The following PTPN22 variants were observed in gnomAD, a reference collection of about 807,000 sequenced individuals.
PTPN22 encodes protein tyrosine phosphatase non-receptor type 22.
A neutral mutation model predicts 103.3 loss-of-function variants in PTPN22; 85 were observed. The ratio of observed to expected loss-of-function variants is 0.82; its 90% CI spans 0.69 to 0.99. PTPN22 has a LOEUF of 0.99. PTPN22 is among the 50% of genes least tolerant of loss of function. PTPN22 has a pLI of 0.00. For missense variants in PTPN22, 865 were observed against 936.9 expected (o/e 0.92, Z 1.00); for synonymous variants, 323 against 310.2 (o/e 1.04, Z -0.43).
At chr1:113,856,735 C>A in intron 5 of PTPN22, 116 bp from the exon 6 acceptor site, 1 of 1,358,516 alleles carries the variant, frequency 7.4e-7, no homozygotes, top group Non-Finnish European at 1.0e-6. Context: ...GTGCGTCTAA[C>A]CCCTTTGGGC....
chr1:113,859,215 T>G, intron 2 of PTPN22, 137 bp from the exon 3 acceptor site: 1 of 1,548,470 alleles, frequency 6.5e-7, no homozygotes, highest in East Asian at 2.3e-5. Context: ...TGAATATTCT[T>G]TTGCAGTCAT....
At chr1:113,863,913 A>G (rs960210551) in intron 1 of PTPN22, among the ~76,000 whole-genome samples, 3 of 98,486 alleles carry the variant, frequency 3.0e-5, no homozygotes, top group African/African-American at 1.8e-4. Context: ...ATAAATATAT[A>G]TATATATATA....
rs770014406 is a variant in PTPN22 at position 113,852,022 on chromosome 1, C to G, written c.828+5G>C. Reference sequence around the variant, plus strand: ...ATGTTCTGATCCATTCACTATAGTTCATACCTGCGTTTGAACTAATGAAGG... The same window carrying G: ...ATGTTCTGATCCATTCACTATAGTTGATACCTGCGTTTGAACTAATGAAGG... On this transcript the variant is annotated splice_donor_5th_base_variant and intron_variant, in intron 10 of 20. Transcript: ENST00000359785. The G allele has an allele frequency of 1.3e-6, 2 of 1,599,160 alleles. No homozygotes were observed. Among genetic ancestry groups the G allele is most frequent in the Middle Eastern group, 1.7e-4 (1 of 6,036 alleles).
intron 20 of PTPN22, among the ~76,000 whole-genome samples, chr1:113,818,632 T>G (rs1363308093): frequency 6.6e-6 from 1 of 152,214 alleles, no homozygotes; most frequent in Non-Finnish European, 1.5e-5. Flanking sequence ...CTTTGCTTCT[T>G]CCTCAAATAG....
At chr1:113,829,957 T>C (rs1284876341) in exon 17 of PTPN22, 1 of 1,598,206 alleles carries the variant, frequency 6.3e-7, no homozygotes, top group East Asian at 2.2e-5. Flanking sequence ...ACAATCTTCA[T>C]CGGCAAGAAA....
At chr1:113,841,059 T>A (rs1663500244) in intron 11 of PTPN22, among the ~76,000 whole-genome samples, 1 of 152,062 alleles carries the variant, frequency 6.6e-6, no homozygotes, top group African/African-American at 2.4e-5. Context: ...ACCCCGTCTC[T>A]ACTAAAAATA....
intron 11 of PTPN22, among the ~76,000 whole-genome samples, chr1:113,842,050 T>A (rs1387301284): frequency 3.3e-5 from 5 of 151,260 alleles, no homozygotes; most frequent in Non-Finnish European, 7.4e-5. Flanking sequence ...AAAAAAAAAA[T>A]TAAAAAAAAA....
chr1:113,870,076 C>T (rs1666451825), intron 1 of PTPN22, among the ~76,000 whole-genome samples: 1 of 152,134 alleles, frequency 6.6e-6, no homozygotes, highest in Non-Finnish European at 1.5e-5. Flanking sequence ...GGTTTTGGTT[C>T]TTTTTGTTCA....
At chr1:113,859,149 CTG>C (rs1665349946) in intron 2 of PTPN22, 71 bp from the exon 3 acceptor site, 2 of 1,590,286 alleles carry the variant, frequency 1.3e-6, no homozygotes, top group African/African-American at 1.3e-5. Context: ...GGGCCTAACA[CTG>C]TGAATAGTGT....
chr1:113,829,748 C>A, intron 17 of PTPN22, 41 bp from the exon 18 acceptor site: 1 of 1,335,098 alleles, frequency 7.5e-7, no homozygotes, highest in Non-Finnish European at 1.0e-6. Context: ...CCATTGCATA[C>A]CTTCTTAAGC....
At chr1:113,818,317 A>G (rs1661324651) in intron 20 of PTPN22, among the ~76,000 whole-genome samples, 3 of 151,726 alleles carry the variant, frequency 2.0e-5, no homozygotes, top group Admixed American at 2.0e-4. Context: ...GGCATGTACC[A>G]CCATGCCCAG....
At chr1:113,863,662 G>A (rs957674893) in intron 1 of PTPN22, among the ~76,000 whole-genome samples, 1 of 152,140 alleles carries the variant, frequency 6.6e-6, no homozygotes, top group Admixed American at 6.6e-5. Context: ...GTACCTTGTT[G>A]ATAACTGTTT....
intron 10 of PTPN22, among the ~76,000 whole-genome samples, chr1:113,851,431 G>T (rs1426993901): frequency 6.6e-6 from 1 of 152,166 alleles, no homozygotes; most frequent in African/African-American, 2.4e-5. Context: ...TGGGATTACA[G>T]GTGTCAGCCA....
intron 18 of PTPN22, 22 bp downstream of exon 18, chr1:113,829,570 C>T: frequency 7.0e-7 from 1 of 1,431,634 alleles, no homozygotes; most frequent in Non-Finnish European, 9.5e-7. Context: ...GGCATGTTTC[C>T]CAAAACTCTT....
chr1:113,813,901 T>C (rs1232937391), exon 21 of PTPN22: 1 of 152,338 alleles, frequency 6.6e-6, no homozygotes, highest in Non-Finnish European at 1.5e-5. Context: ...ATTTGCCCTA[T>C]TGGACTTCCA....
In PTPN22 at chr1:113,838,535, T is replaced by C; in HGVS notation, c.992+9A>G. On this transcript the variant is annotated intron_variant, in intron 12 of 20. Coordinates refer to ENST00000359785, the Ensembl canonical transcript of PTPN22. Reference sequence around the variant, plus strand: ...TAGTCAACATTTAGATATATAAAATTGTACTCACCTTTTTGGTAAATTAGG... The same window carrying C: ...TAGTCAACATTTAGATATATAAAATCGTACTCACCTTTTTGGTAAATTAGG... The C allele has an allele frequency of 6.2e-7, 1 of 1,611,358 alleles. No individual in the cohort carries two copies. Among genetic ancestry groups the C allele is most frequent in the Non-Finnish European group, 8.5e-7 (1 of 1,179,350 alleles).
intron 13 of PTPN22, among the ~76,000 whole-genome samples, chr1:113,835,423 T>C (rs1662910846): frequency 1.3e-5 from 2 of 151,646 alleles, no homozygotes; most frequent in Admixed American, 1.3e-4. Context: ...GAGGCTGAGG[T>C]GGGAGAATGG....
intron 11 of PTPN22, among the ~76,000 whole-genome samples, chr1:113,838,845 T>G (rs1358867067): frequency 6.6e-6 from 1 of 152,154 alleles, no homozygotes; most frequent in African/African-American, 2.4e-5. Flanking sequence ...TAGAAAGGAT[T>G]TGTGTATATC....
At chr1:113,864,257 G>A in intron 1 of PTPN22, 1 of 454,050 alleles carries the variant, frequency 2.2e-6, no homozygotes, top group South Asian at 1.6e-5. Flanking sequence ...AGGTGTGGTG[G>A]CTCATGGTTG....
Sources: gnomAD v4.1 joint callset for allele counts (sites outside exome capture counted in the v4.1 genomes callset) on GRCh38, gnomAD v4.1.1 for gene constraint, MANE v1.5 for transcripts, NCBI Gene and HGNC (gene_info 2026-07-23, HGNC 2026-07-21) for gene names.